Variants in DOCK3 observed in about 807,000 individuals in gnomAD.
DOCK3 encodes dedicator of cytokinesis protein 3.
In DOCK3, 60 loss-of-function variants were observed where a neutral mutation model predicts 265.6. That is an observed-to-expected ratio of 0.23 (90% confidence interval 0.18 to 0.28). The LOEUF (loss-of-function observed/expected upper bound fraction) is 0.28. Among genes scored for constraint, DOCK3 ranks in the 10% least tolerant of loss-of-function variants. The pLI is 1.00. For synonymous variants in DOCK3, 881 were observed against 938.0 expected (o/e 0.94, Z 1.11); for missense variants, 1,981 against 2,594.3 (o/e 0.76, Z 5.14).
intron 3 of DOCK3, among the ~76,000 whole-genome samples, chr3:50,886,373 T>A (rs1424181950): frequency 1.3e-5 from 2 of 151,914 alleles, no homozygotes; most frequent in African/African-American, 4.8e-5. Flanking sequence ...TTAGCTATGG[T>A]TACGTGCAGT....
chr3:51,135,396 A>C (rs1296888985), intron 9 of DOCK3, among the ~76,000 whole-genome samples: 1 of 152,224 alleles, frequency 6.6e-6, no homozygotes, highest in African/African-American at 2.4e-5. Flanking sequence ...GCTCAGTCTA[A>C]ACACTTAGGG....
chr3:51,376,444 G>GT (rs141805249), intron 51 of DOCK3, among the ~76,000 whole-genome samples: 1 of 152,216 alleles, frequency 6.6e-6, no homozygotes, highest in African/African-American at 2.4e-5. Context: ...ACCTGTGGCT[G>GT]TTTAGAGAGT....
At chr3:51,118,166 C>T (rs2083831367) in intron 9 of DOCK3, among the ~76,000 whole-genome samples, 1 of 152,148 alleles carries the variant, frequency 6.6e-6, no homozygotes, top group Non-Finnish European at 1.5e-5. Flanking sequence ...TATCTTTGTT[C>T]TCATTGGTCT....
intron 4 of DOCK3, among the ~76,000 whole-genome samples, chr3:50,895,939 G>C (rs1206580120): frequency 2.0e-5 from 3 of 152,076 alleles, no homozygotes; most frequent in African/African-American, 4.8e-5. Flanking sequence ...GGGTTGGTTG[G>C]TTCCAAGTTT....
intron 1 of DOCK3, among the ~76,000 whole-genome samples, chr3:50,727,566 C>T (rs572329166): frequency 7.0e-4 from 107 of 152,194 alleles, no homozygotes; most frequent in African/African-American, 2.4e-3. Context: ...GGTGTGGTGG[C>T]ACGTGCCTAT....
At chr3:50,825,010 G>T (rs2044676851) in intron 2 of DOCK3, among the ~76,000 whole-genome samples, 1 of 152,162 alleles carries the variant, frequency 6.6e-6, no homozygotes, top group Non-Finnish European at 1.5e-5. Flanking sequence ...CTAGATGAAT[G>T]TTGTACCTAC....
chr3:51,306,479 C>T (rs552665823), intron 27 of DOCK3, among the ~76,000 whole-genome samples: 4 of 152,058 alleles, frequency 2.6e-5, no homozygotes, highest in African/African-American at 4.8e-5. Context: ...AGTTTTTGCC[C>T]ATTATTTCTT....
intron 20 of DOCK3, 134 bp from the exon 21 acceptor site, chr3:51,237,356 C>A: frequency 1.4e-6 from 1 of 716,038 alleles, no homozygotes; most frequent in South Asian, 1.7e-5. Context: ...ATCTTACATT[C>A]ACTACCCATG....
chr3:51,292,038 C>A (rs1328263103), intron 27 of DOCK3, among the ~76,000 whole-genome samples: 1 of 150,508 alleles, frequency 6.6e-6, no homozygotes, highest in Non-Finnish European at 1.5e-5. Flanking sequence ...ATAAAAAATT[C>A]TCATTTCTTG....
intron 1 of DOCK3, among the ~76,000 whole-genome samples, chr3:50,765,914 T>A (rs1183100988): frequency 6.6e-6 from 1 of 152,036 alleles, no homozygotes; most frequent in Non-Finnish European, 1.5e-5. Flanking sequence ...CCATTCCCCA[T>A]CCCTTAACCA....
chr3:50,789,785 G>C (rs1345452866), intron 2 of DOCK3, among the ~76,000 whole-genome samples: 1 of 152,186 alleles, frequency 6.6e-6, no homozygotes, highest in African/African-American at 2.4e-5. Flanking sequence ...GAATGCAGTG[G>C]TGTGATCTTG....
chr3:51,228,544 G>A (rs1228375525), intron 17 of DOCK3, 117 bp from the exon 18 acceptor site: 2 of 1,143,358 alleles, frequency 1.7e-6, no homozygotes, highest in African/African-American at 3.1e-5. Context: ...GAGGACCTGA[G>A]GCCCAACGTT....
intron 41 of DOCK3, 74 bp from the exon 42 acceptor site, chr3:51,356,015 T>G (rs2086335829): frequency 6.3e-7 from 1 of 1,580,158 alleles, no homozygotes; most frequent in South Asian, 1.1e-5. Context: ...TTCTCCCCTT[T>G]GAGGAGATGA....
At chr3:51,343,721 C>A (rs2085379689) in intron 38 of DOCK3, among the ~76,000 whole-genome samples, 1 of 152,250 alleles carries the variant, frequency 6.6e-6, no homozygotes, top group Non-Finnish European at 1.5e-5. Context: ...TTCCAGTACA[C>A]CCCTCAAAGC....
chr3:50,778,794 C>G (rs777299900), intron 2 of DOCK3, 36 bp downstream of exon 2: 2 of 1,434,704 alleles, frequency 1.4e-6, no homozygotes, highest in Non-Finnish European at 1.9e-6. Flanking sequence ...AAATTGTGAT[C>G]ATTTTTGGCA....
chr3:50,933,545 C>T (rs1455906626), intron 4 of DOCK3, among the ~76,000 whole-genome samples: 3 of 151,902 alleles, frequency 2.0e-5, no homozygotes, highest in Non-Finnish European at 4.4e-5. Context: ...GTGTGGGTTC[C>T]TCCCCTCCAC....
chr3:51,184,663 T>C (rs757478042), intron 12 of DOCK3, among the ~76,000 whole-genome samples: 1 of 152,196 alleles, frequency 6.6e-6, no homozygotes, highest in Non-Finnish European at 1.5e-5. Context: ...AAATCTCTTA[T>C]GTAGAAGAAT....
chr3:50,852,536 C>T (rs1488753913), intron 3 of DOCK3, among the ~76,000 whole-genome samples: 4 of 152,074 alleles, frequency 2.6e-5, no homozygotes, highest in Non-Finnish European at 5.9e-5. Context: ...TTTAAGAAAT[C>T]TGTCCACTTT....
intron 1 of DOCK3, chr3:50,719,380 A>G (rs1436138710): frequency 2.2e-6 from 1 of 448,480 alleles, no homozygotes; most frequent in South Asian, 4.0e-5. Flanking sequence ...CAGCAAGAGC[A>G]CAGTGATTAT....
Sources: gnomAD v4.1 joint callset for allele counts (sites outside exome capture counted in the v4.1 genomes callset) on GRCh38, gnomAD v4.1.1 for gene constraint, MANE v1.5 for transcripts, NCBI Gene and HGNC (gene_info 2026-07-23, HGNC 2026-07-21) for gene names.